MAST4: variants seen among roughly 807,000 people sequenced by gnomAD.
MAST4 encodes microtubule associated serine/threonine kinase family member 4, also known as microtubule-associated serine/threonine-protein kinase 4.
Under a neutral mutation model 162.7 loss-of-function variants are expected in MAST4, and 89 were observed. The observed-to-expected ratio is 0.55, with a 90% CI of 0.46 to 0.65. The LOEUF (loss-of-function observed/expected upper bound fraction) is 0.65, where lower values mean the gene tolerates loss of function less well. Ranked by LOEUF, MAST4 falls within the 30% of genes least tolerant of loss-of-function variation. The pLI, the probability that MAST4 is intolerant of heterozygous loss-of-function variation, is 0.00. For missense variants in MAST4, 3,153 were observed against 3,374.0 expected, an observed-to-expected ratio of 0.93 and a Z score of 1.62; for synonymous variants, 1,479 against 1,361.1, an observed-to-expected ratio of 1.09 and a Z score of -1.91.
At chr5:66,858,075 GC>G (rs1331950032) in intron 3 of MAST4, among the ~76,000 whole-genome samples, 3 of 151,960 alleles carry the variant, frequency 2.0e-5, no homozygotes, top group African/African-American at 7.3e-5. Flanking sequence ...TTCTACTTCA[GC>G]CTCCTAAGTA....
intron 5 of MAST4, among the ~76,000 whole-genome samples, chr5:67,054,872 C>G (rs1419666488): frequency 2.6e-5 from 4 of 152,118 alleles, no homozygotes; most frequent in Admixed American, 2.6e-4. Context: ...TTGAACTTGT[C>G]TAATACATTG....
chr5:66,818,792 C>A (rs1483394574), intron 3 of MAST4, among the ~76,000 whole-genome samples: 1 of 152,204 alleles, frequency 6.6e-6, no homozygotes, highest in Admixed American at 6.5e-5. Context: ...GCCACCTGGG[C>A]CCTTCGTTCT....
At chr5:66,615,818 A>G (rs1313759326) in intron 1 of MAST4, among the ~76,000 whole-genome samples, 1 of 152,188 alleles carries the variant, frequency 6.6e-6, no homozygotes, top group Non-Finnish European at 1.5e-5. Flanking sequence ...CAAAGAAAGA[A>G]AAAGTATTGA....
chr5:66,629,804 A>G (rs186130108), intron 1 of MAST4, among the ~76,000 whole-genome samples: 7 of 152,334 alleles, frequency 4.6e-5, no homozygotes, highest in Admixed American at 1.3e-4. Context: ...AAAGATGTCT[A>G]TGAGTGGTTA....
chr5:66,721,737 G>GT (rs1751223929), intron 1 of MAST4, among the ~76,000 whole-genome samples: 1 of 150,542 alleles, frequency 6.6e-6, no homozygotes, highest in Non-Finnish European at 1.5e-5. Flanking sequence ...CGAATGCCTG[G>GT]TAGGTACCTC....
intron 14 of MAST4, among the ~76,000 whole-genome samples, chr5:67,127,687 C>T (rs993883183): frequency 2.6e-5 from 4 of 151,978 alleles, no homozygotes; most frequent in Non-Finnish European, 5.9e-5. Flanking sequence ...TATATCTGTC[C>T]TGCTACCATC....
chr5:66,961,217 G>A lies in MAST4; in HGVS notation c.674+61235G>A, dbSNP rs536817536. Among the ~76,000 whole-genome samples the A allele has an allele frequency of 3.9e-5, 6 of 152,298 alleles. No individual in the cohort carries two copies. In the South Asian group the frequency reaches 1.0e-3, roughly 26 times the overall value. The stretch of plus-strand genomic sequence containing the variant: ...AATTCAACTTCTAGCCACTGCAGAG[G>A]AATGTTATAATGGAAAGTCTTATCA... On this transcript the variant is annotated intron_variant, in intron 4 of 28. Coordinates refer to ENST00000403625, the MANE Select transcript of MAST4 (RefSeq NM_001164664.2).
intron 3 of MAST4, among the ~76,000 whole-genome samples, chr5:66,840,223 G>A (rs534233788): frequency 6.6e-6 from 1 of 151,886 alleles, no homozygotes. Context: ...TAGAAGCTAG[G>A]TCTAGAAATA....
intron 4 of MAST4, among the ~76,000 whole-genome samples, chr5:67,043,586 T>A (rs1757018147): frequency 6.6e-6 from 1 of 152,218 alleles, no homozygotes; most frequent in Non-Finnish European, 1.5e-5. Context: ...AATAATCTAA[T>A]GCCATTAAAT....
At position 67,133,508 on chromosome 5, in the gene MAST4, T is replaced by A. The variant is rs1769250596; in HGVS notation, c.2094-6T>A. 1 of 1,612,598 alleles carries A rather than the reference T, an allele frequency of 6.2e-7. No individual in the cohort carries two copies. Among genetic ancestry groups the A allele is most frequent in the African/African-American group, 1.3e-5 (1 of 74,984 alleles). ...TTATTGTGTTACATGTCCGTCTGCCTCATAGCTTGTTGGTTACCTCCATGG... is the reference window on the plus strand; with the variant it reads ...TTATTGTGTTACATGTCCGTCTGCCACATAGCTTGTTGGTTACCTCCATGG... On this transcript the variant is annotated splice_polypyrimidine_tract_variant and splice_region_variant and intron_variant, in intron 16 of 28. Coordinates refer to ENST00000403625, the MANE Select transcript of MAST4 (RefSeq NM_001164664.2).
At chr5:66,739,301 C>G (rs1214610301) in intron 1 of MAST4, among the ~76,000 whole-genome samples, 1 of 152,184 alleles carries the variant, frequency 6.6e-6, no homozygotes, top group African/African-American at 2.4e-5. Context: ...TTAGTCGCAT[C>G]TTTCTTCGGT....
rs968795923 is a variant in MAST4 at position 67,165,068 on chromosome 5, C to A, written c.5889C>A (p.Pro1963=). The A allele has an allele frequency of 1.9e-6, 3 of 1,601,466 alleles. No individual in the cohort carries two copies. The highest frequency in any genetic ancestry group is 1.7e-5 in the Admixed American group (1 of 57,694). ...PRCPLPPEAS[P]SREKPGLRES... The stretch of plus-strand genomic sequence containing the variant: ...GCCCGCTCCCACCTGAAGCTTCCCC[C>A]TCAAGGGAGAAGCCAGGCCTGAGGG... The change falls in exon 29 of 29, where the codon CCC becomes CCA. Residue 1963 remains proline (P), a synonymous_variant. Coordinates refer to ENST00000403625, the MANE Select transcript of MAST4 (RefSeq NM_001164664.2).
intron 5 of MAST4, among the ~76,000 whole-genome samples, chr5:67,062,807 C>G (rs1424776756): frequency 2.0e-5 from 3 of 151,878 alleles, no homozygotes; most frequent in Admixed American, 2.0e-4. Context: ...CATACATTTC[C>G]TTTTTAAAAA....
intron 3 of MAST4, among the ~76,000 whole-genome samples, chr5:66,880,544 T>G (rs1761625526): frequency 6.6e-6 from 1 of 152,166 alleles, no homozygotes; most frequent in Non-Finnish European, 1.5e-5. Context: ...ACTTCTAACT[T>G]CTACTGGATT....
chr5:67,031,438 G>T (rs1272356115), intron 4 of MAST4, among the ~76,000 whole-genome samples: 3 of 151,550 alleles, frequency 2.0e-5, no homozygotes, highest in Non-Finnish European at 4.4e-5. Flanking sequence ...GATTGGCTGG[G>T]CCCTGTTATC....
intron 1 of MAST4, among the ~76,000 whole-genome samples, chr5:66,757,906 C>T (rs1753638793): frequency 6.6e-6 from 1 of 152,156 alleles, no homozygotes; most frequent in Non-Finnish European, 1.5e-5. Context: ...TGATCTGACT[C>T]TAGATGAACT....
At chr5:66,678,479 GGT>G (rs1439270838) in intron 1 of MAST4, among the ~76,000 whole-genome samples, 2 of 151,816 alleles carry the variant, frequency 1.3e-5, no homozygotes, top group African/African-American at 4.8e-5. Context: ...CATTTCATAA[GGT>G]GTGTACATAT....
At chr5:67,022,409 A>G (rs988001885) in intron 4 of MAST4, among the ~76,000 whole-genome samples, 22 of 140,648 alleles carry the variant, frequency 1.6e-4, no homozygotes, top group African/African-American at 5.7e-4. Flanking sequence ...TATTTTCTCT[A>G]CCAAAAAAAA....
At chr5:67,091,587 G>A (rs1450746038) in intron 6 of MAST4, among the ~76,000 whole-genome samples, 1 of 152,088 alleles carries the variant, frequency 6.6e-6, no homozygotes, top group African/African-American at 2.4e-5. Context: ...ATAAACAAGT[G>A]TTTACTATAG....
Sources: gnomAD v4.1 joint callset for allele counts (sites outside exome capture counted in the v4.1 genomes callset) on GRCh38, gnomAD v4.1.1 for gene constraint, MANE v1.5 for transcripts, NCBI Gene and HGNC (gene_info 2026-07-23, HGNC 2026-07-21) for gene names.